RIMBP2: variants seen among roughly 807,000 people sequenced by gnomAD.
RIMBP2 encodes RIMS-binding protein 2.
Under a neutral mutation model 118.6 loss-of-function variants are expected in RIMBP2, and 48 were observed. The ratio of observed to expected loss-of-function variants is 0.40; its 90% CI spans 0.32 to 0.51. RIMBP2 has a LOEUF of 0.51. Among genes scored for constraint, RIMBP2 ranks in the 20% least tolerant of loss-of-function variants. The probability of loss-of-function intolerance (pLI) is 0.41; values close to 1 mark genes in which losing one functional copy is unlikely to be tolerated. For synonymous variants in RIMBP2, 762 were observed against 742.9 expected (o/e 1.03, Z -0.42); for missense variants, 1,551 against 1,768.3 (o/e 0.88, Z 2.20).
intron 2 of RIMBP2, among the ~76,000 whole-genome samples, chr12:130,556,297 A>G (rs1032030292): frequency 1.3e-5 from 2 of 152,198 alleles, no homozygotes; most frequent in African/African-American, 4.8e-5. Flanking sequence ...GCATAGGATA[A>G]ATTCATATCC....
chr12:130,422,384 G>T lies in RIMBP2; in HGVS notation c.3238+69C>A. 9.0e-7 allele frequency: 1 copy of T among 1,114,584 alleles called. No homozygotes were observed. The highest frequency in any genetic ancestry group is 2.4e-5 in the East Asian group (1 of 41,286). The allele number at this position is 1,114,584 out of a possible 1,614,324, so 69.0% of individuals were successfully genotyped here. ...ATGCTACTCCTAAAGTTTTGTTCAT[G>T]CTTAGATGGAGTAAGCAGCCACATG... On this transcript the variant is annotated intron_variant, in intron 17 of 22. Transcript: ENST00000690449. The surrounding 1 kb of genome is among the most constrained non-coding windows in gnomAD (Gnocchi z 5.2).
intron 4 of RIMBP2, among the ~76,000 whole-genome samples, chr12:130,506,139 A>G (rs1393002568): frequency 6.6e-6 from 1 of 152,096 alleles, no homozygotes; most frequent in African/African-American, 2.4e-5. Flanking sequence ...TGGCATCAAT[A>G]GCAAATCAAC....
intron 5 of RIMBP2, among the ~76,000 whole-genome samples, chr12:130,476,909 G>A (rs543155785): frequency 2.0e-5 from 3 of 152,316 alleles, no homozygotes; most frequent in Admixed American, 6.5e-5. Flanking sequence ...ACGGTACGAC[G>A]GAGCTGGTCA....
chr12:130,536,539 G>A (rs903255980), intron 2 of RIMBP2, among the ~76,000 whole-genome samples: 2 of 151,982 alleles, frequency 1.3e-5, no homozygotes, highest in Admixed American at 6.6e-5. Context: ...ACTTACTTCC[G>A]CCATAGTCAA....
intron 2 of RIMBP2, among the ~76,000 whole-genome samples, chr12:130,548,843 T>C (rs943000854): frequency 2.6e-5 from 4 of 151,574 alleles, no homozygotes; most frequent in African/African-American, 9.7e-5. Context: ...GGCCTCAGCC[T>C]CCCAAAGTCC....
chr12:130,581,851 T>A lies in RIMBP2; in HGVS notation c.-217+46471A>T, dbSNP rs753251838. On this transcript the variant is annotated intron_variant, in intron 2 of 22. Transcript: ENST00000690449. This position sits in a 1 kb window ranked among gnomAD's most constrained non-coding sequence, Gnocchi z 4.4. ...CAAAAAATAAGCCACACACTATTATTTTGCATATCACCTTTTAATGACTTC... is the reference window on the plus strand; with the variant it reads ...CAAAAAATAAGCCACACACTATTATATTGCATATCACCTTTTAATGACTTC... 2.0e-5 allele frequency among the ~76,000 whole-genome samples: 3 copies of A among 152,106 alleles called. No individual in the cohort carries two copies. The highest frequency in any genetic ancestry group is 4.4e-5 in the Non-Finnish European group (3 of 68,022).
chr12:130,468,351 G>C (rs1029024742), intron 6 of RIMBP2, among the ~76,000 whole-genome samples: 1 of 152,140 alleles, frequency 6.6e-6, no homozygotes, highest in Non-Finnish European at 1.5e-5. Context: ...GCCAACCTTG[G>C]GCCCCTCCCT....
chr12:130,539,261 A>G (rs2054348600), intron 2 of RIMBP2, among the ~76,000 whole-genome samples: 1 of 152,230 alleles, frequency 6.6e-6, no homozygotes, highest in Admixed American at 6.5e-5. Flanking sequence ...GTGTCAGTGA[A>G]TGCATACATA....
chr12:130,402,168 G>A (rs1287251461), intron 21 of RIMBP2, among the ~76,000 whole-genome samples: 4 of 152,136 alleles, frequency 2.6e-5, no homozygotes, highest in East Asian at 3.9e-4. Flanking sequence ...CCAAAGTGAC[G>A]ACGGGACTTG....
At chr12:130,536,545 G>A (rs2054101978) in intron 2 of RIMBP2, among the ~76,000 whole-genome samples, 2 of 152,094 alleles carry the variant, frequency 1.3e-5, no homozygotes, top group African/African-American at 2.4e-5. Flanking sequence ...TTCCGCCATA[G>A]TCAACCCCTG....
intron 2 of RIMBP2, among the ~76,000 whole-genome samples, chr12:130,541,053 A>T (rs1566229792): frequency 6.6e-6 from 1 of 152,184 alleles, no homozygotes; most frequent in South Asian, 2.1e-4. Flanking sequence ...CGGCTATCAC[A>T]GGATGGAAGA....
intron 1 of RIMBP2, among the ~76,000 whole-genome samples, chr12:130,713,463 C>G (rs1350259996): frequency 1.3e-5 from 2 of 152,064 alleles, no homozygotes; most frequent in Non-Finnish European, 2.9e-5. Context: ...GGGGATCAGA[C>G]AGCTTTTCAA....
At chr12:130,532,881 A>G (rs201692094) in intron 2 of RIMBP2, among the ~76,000 whole-genome samples, 2,973 of 38,288 alleles carry the variant, frequency 0.078, no homozygotes, top group Middle Eastern at 0.12. Context: ...TGAGATGCGT[A>G]TGTTTAGCCT....
intron 2 of RIMBP2, among the ~76,000 whole-genome samples, chr12:130,522,533 T>C (rs1171435867): frequency 1.3e-5 from 2 of 152,210 alleles, no homozygotes; most frequent in African/African-American, 4.8e-5. Context: ...TGGTGGCTAC[T>C]AACTCAAAAC....
chr12:130,676,514 T>G (rs2064484044), intron 1 of RIMBP2, among the ~76,000 whole-genome samples: 1 of 150,960 alleles, frequency 6.6e-6, no homozygotes, highest in African/African-American at 2.4e-5. Flanking sequence ...TCCCAGCTAC[T>G]CAGGAGGCTG....
Position 130,438,478 on chromosome 12 carries a change from C to T in RIMBP2, c.1543G>A (p.Gly515Arg). Reference protein sequence around the residue: ...APPQDVTVQAGVTPATIRVSW... With the variant: ...APPQDVTVQARVTPATIRVSW... ...ACCCGGATGGTGGCGGGGGTCACCCCAGCCTGGACGGTAACATCTTGTGGG... is the reference window on the plus strand; with the variant it reads ...ACCCGGATGGTGGCGGGGGTCACCCTAGCCTGGACGGTAACATCTTGTGGG... The change falls in exon 12 of 23, where the codon GGG becomes AGG. Residue 515 changes from glycine to arginine, a missense_variant. Around this residue, in one of 5 missense-constraint regions of RIMBP2, gnomAD observed 1,038 missense variants for 1,125.1 expected, o/e 0.92. Coordinates refer to ENST00000690449, the MANE Select transcript of RIMBP2 (RefSeq NM_001393629.1). The T allele has an allele frequency of 6.2e-7, 1 of 1,611,830 alleles. No individual in the cohort carries two copies. The highest frequency in any genetic ancestry group is 1.7e-5 in the Admixed American group (1 of 59,836).
intron 6 of RIMBP2, chr12:130,465,759 G>A (rs2080410816): frequency 1.3e-5 from 2 of 152,350 alleles, no homozygotes; most frequent in East Asian, 3.9e-4. Flanking sequence ...GCGCACCCAG[G>A]GAATACCAGC....
chr12:130,428,063 G>T, intron 15 of RIMBP2, 116 bp downstream of exon 15: 2 of 918,582 alleles, frequency 2.2e-6, no homozygotes, highest in Non-Finnish European at 3.2e-6. Flanking sequence ...AAATCCGAGG[G>T]CTACTGGTTG....
At chr12:130,558,785 G>A (rs2056580546) in intron 2 of RIMBP2, among the ~76,000 whole-genome samples, 1 of 152,206 alleles carries the variant, frequency 6.6e-6, no homozygotes, top group East Asian at 1.9e-4. Flanking sequence ...GTCCAGGGAG[G>A]AGCTTGCAAT....
Sources: gnomAD v4.1 joint callset for allele counts (sites outside exome capture counted in the v4.1 genomes callset) on GRCh38, gnomAD v4.1.1 for gene constraint, gnomAD v4.1.1 regional missense constraint, Gnocchi (gnomAD v3.1) non-coding constraint, MANE v1.5 for transcripts, NCBI Gene and HGNC (gene_info 2026-07-23, HGNC 2026-07-21) for gene names.